Variants in COPS8 observed in about 807,000 individuals in gnomAD.
COPS8 encodes COP9 signalosome complex subunit 8.
In COPS8, 11 loss-of-function variants were observed where a neutral mutation model predicts 31.5. That is an observed-to-expected ratio of 0.35 (90% confidence interval 0.22 to 0.58). The LOEUF (loss-of-function observed/expected upper bound fraction) is 0.58, where lower values mean the gene tolerates loss of function less well. Ranked by LOEUF, COPS8 falls within the 20% of genes least tolerant of loss-of-function variation. The pLI, the probability that COPS8 is intolerant of heterozygous loss-of-function variation, is 0.83. For missense variants in COPS8, 215 were observed against 255.1 expected (o/e 0.84, Z 1.07); for synonymous variants, 81 against 89.3 (o/e 0.91, Z 0.52).
chr2:237,089,713 G>A (rs1474922956), intron 3 of COPS8, 149 bp from the exon 4 acceptor site: 2 of 804,392 alleles, frequency 2.5e-6, no homozygotes, highest in Admixed American at 5.9e-5. Context: ...GGCTGAAAAA[G>A]TAATTGCATC....
Position 237,100,053 on chromosome 2 carries a change from T to C in COPS8, c.*2311T>C, listed in dbSNP as rs1385971456. 4 of 152,154 alleles carry C rather than the reference T, an allele frequency of 2.6e-5. No homozygotes were observed. The highest frequency in any genetic ancestry group is 9.7e-5 in the African/African-American group (4 of 41,444). The allele number at this position is 152,154 out of a possible 1,614,324, so 9.4% of individuals were successfully genotyped here. On this transcript the variant is annotated 3_prime_UTR_variant, in exon 8 of 8. Transcript: ENST00000354371. Reference sequence around the variant, plus strand: ...TCAGGACAAATTGATATGCTGCCAATCTCTAAAGCAACAAAATCGAACCTG... The same window carrying C: ...TCAGGACAAATTGATATGCTGCCAACCTCTAAAGCAACAAAATCGAACCTG...
At chr2:237,089,774 T>C (rs1022001999) in intron 3 of COPS8, 88 bp from the exon 4 acceptor site, 5 of 1,314,514 alleles carry the variant, frequency 3.8e-6, no homozygotes, top group Non-Finnish European at 4.2e-6. Flanking sequence ...AACAAGTTTT[T>C]ATATCATTTC....
Position 237,090,000 on chromosome 2 carries a change from G to A in COPS8, c.331+6G>A. On this transcript the variant is annotated splice_donor_region_variant and intron_variant, in intron 4 of 7. Transcript: ENST00000354371. Reference sequence around the variant, plus strand: ...AATTATGGAAGCACTTAGAGGTAGTGTTTCTTTGTGGTTAAAAATGAAATT... The same window carrying A: ...AATTATGGAAGCACTTAGAGGTAGTATTTCTTTGTGGTTAAAAATGAAATT... The A allele has an allele frequency of 1.9e-6, 3 of 1,612,734 alleles. No individual in the cohort carries two copies. The highest frequency in any genetic ancestry group is 2.5e-6 in the Non-Finnish European group (3 of 1,179,466).
At chr2:237,095,127 A>G (rs1696776105) in intron 5 of COPS8, among the ~76,000 whole-genome samples, 1 of 152,192 alleles carries the variant, frequency 6.6e-6, no homozygotes, top group South Asian at 2.1e-4. Context: ...TGAAAGTTCT[A>G]AGTTATTACT....
chr2:237,088,885 G>A (rs1276451484), intron 3 of COPS8, among the ~76,000 whole-genome samples: 2 of 152,120 alleles, frequency 1.3e-5, no homozygotes, highest in Non-Finnish European at 2.9e-5. Flanking sequence ...ACGCTTTTAT[G>A]TGCAGCTTCC....
chr2:237,097,128 T>C (rs896739480), intron 7 of COPS8, among the ~76,000 whole-genome samples: 1 of 152,190 alleles, frequency 6.6e-6, no homozygotes, highest in East Asian at 1.9e-4. Context: ...CTGCCAGAGC[T>C]GTTCACCAGT....
chr2:237,094,248 G>T, intron 5 of COPS8, 51 bp downstream of exon 5: 1 of 1,532,602 alleles, frequency 6.5e-7, no homozygotes, highest in Non-Finnish European at 9.0e-7. Context: ...ATAGAAGTGT[G>T]AATTGTAGGT....
chr2:237,094,196 A>G lies in COPS8; in HGVS notation c.438A>G (p.Lys146=), dbSNP rs938433098. 5 of 1,612,898 alleles carry G rather than the reference A, an allele frequency of 3.1e-6. No homozygotes were observed. The highest frequency in any genetic ancestry group is 3.3e-5 in the Admixed American group (2 of 59,770). Residue 146 remains lysine, a splice_region_variant and synonymous_variant, in exon 5 of 8, where the codon AAA becomes AAG. Transcript: ENST00000354371. ...FVGLPVEEAV[K]GILEQGWQAD... ...GACTTCCTGTAGAAGAGGCTGTGAA[A>G]GGTAATTTTGGCTTACTTTTTACTT...
chr2:237,088,118 T>C (rs1696651569), intron 2 of COPS8, among the ~76,000 whole-genome samples: 2 of 152,220 alleles, frequency 1.3e-5, no homozygotes, highest in South Asian at 4.1e-4. Context: ...TGTAAAACTG[T>C]CATTATATGT....
chr2:237,091,638 T>C (rs1171222621), intron 4 of COPS8, among the ~76,000 whole-genome samples: 1 of 152,240 alleles, frequency 6.6e-6, no homozygotes, highest in African/African-American at 2.4e-5. Flanking sequence ...TCCATTCTCT[T>C]CTAAATTAGG....
intron 1 of COPS8, among the ~76,000 whole-genome samples, chr2:237,086,552 A>C (rs1056432017): frequency 6.6e-6 from 1 of 152,204 alleles, no homozygotes; most frequent in East Asian, 1.9e-4. Context: ...CAGCTGTTAA[A>C]GTTAATGTTT....
chr2:237,093,531 T>C (rs1696743765), intron 4 of COPS8: 1 of 249,776 alleles, frequency 4.0e-6, no homozygotes, highest in South Asian at 1.5e-4. Flanking sequence ...GTTGCTGGTA[T>C]TGTTTGGCAG....
At position 237,097,747 on chromosome 2, in the gene COPS8, T is replaced by A; in HGVS notation, c.*5T>A. ...GTGGCTTTCCTTGAAAACTGATTTA[T>A]CACTCTGAGTTCAAGATTCATCTTC... On this transcript the variant is annotated 3_prime_UTR_variant, in exon 8 of 8. Transcript: ENST00000354371. 6.3e-7 allele frequency: 1 copy of A among 1,599,764 alleles called. No individual in the cohort carries two copies. The highest frequency in any genetic ancestry group is 8.6e-7 in the Non-Finnish European group (1 of 1,168,734).
chr2:237,088,679 C>T, intron 3 of COPS8, 26 bp downstream of exon 3: 1 of 1,472,944 alleles, frequency 6.8e-7, no homozygotes, highest in Non-Finnish European at 9.4e-7. Flanking sequence ...ACCTATTTTA[C>T]TGCTTTAATG....
At chr2:237,092,997 AAC>A (rs1289229512) in intron 4 of COPS8, among the ~76,000 whole-genome samples, 2 of 152,206 alleles carry the variant, frequency 1.3e-5, no homozygotes, top group African/African-American at 4.8e-5. Context: ...GGATAGGTGG[AAC>A]AGTGTCTGCC....
chr2:237,093,228 G>C (rs1276703338), intron 4 of COPS8, among the ~76,000 whole-genome samples: 1 of 152,178 alleles, frequency 6.6e-6, no homozygotes, highest in Non-Finnish European at 1.5e-5. Context: ...AGGGTATCTG[G>C]GGGAATTGGT....
rs1364351084 is a variant in COPS8, at chr2:237,098,654, C to T, written c.*912C>T. On this transcript the variant is annotated 3_prime_UTR_variant, in exon 8 of 8. Coordinates refer to ENST00000354371, the MANE Select transcript of COPS8 (RefSeq NM_006710.5). ...GTTATAACAGCCCTTAGTTCATTTA[C>T]TCTGCATTTGTTCAATAAATATTTA... 1 of 152,144 alleles carries T rather than the reference C, an allele frequency of 6.6e-6. No homozygotes were observed. Among genetic ancestry groups the T allele is most frequent in the Non-Finnish European group, 1.5e-5 (1 of 68,020 alleles). 9.4% of individuals were successfully genotyped at this position (152,144 alleles called of 1,614,324 possible). A position where few individuals can be genotyped will look rare whatever the true frequency, so the allele number is the denominator to read the frequency against.
chr2:237,086,114 G>A (rs539061809), intron 1 of COPS8, 72 bp downstream of exon 1: 32 of 1,401,550 alleles, frequency 2.3e-5, no homozygotes, highest in East Asian at 7.3e-5. Context: ...AGTTTCCAGG[G>A]TAACGGGGTC....
chr2:237,090,713 A>T (rs1474616301), intron 4 of COPS8, among the ~76,000 whole-genome samples: 1 of 152,130 alleles, frequency 6.6e-6, no homozygotes, highest in Non-Finnish European at 1.5e-5. Context: ...CTGCTAAGGG[A>T]TATCAGCTTT....
Sources: allele counts gnomAD v4.1 joint callset (sites outside exome capture counted in the v4.1 genomes callset), GRCh38; gene constraint gnomAD v4.1.1; transcripts MANE v1.5; gene names NCBI Gene and HGNC (gene_info 2026-07-23, HGNC 2026-07-21).